Variants in SLC5A8 observed in about 807,000 individuals in gnomAD.
The protein encoded by SLC5A8 is sodium-coupled monocarboxylate transporter 1.
A neutral mutation model predicts 71.9 loss-of-function variants in SLC5A8; 55 were observed. The ratio of observed to expected loss-of-function variants is 0.77; its 90% CI spans 0.62 to 0.96. SLC5A8 has a LOEUF of 0.96. Among genes scored for constraint, SLC5A8 ranks in the 40% least tolerant of loss-of-function variants. SLC5A8 has a pLI of 0.00. For synonymous variants in SLC5A8, 307 were observed against 276.1 expected, an observed-to-expected ratio of 1.11 and a Z score of -1.11; for missense variants, 701 against 745.3, an observed-to-expected ratio of 0.94 and a Z score of 0.69.
intron 10 of SLC5A8, among the ~76,000 whole-genome samples, chr12:101,173,350 A>T (rs1471979623): frequency 6.6e-6 from 1 of 152,160 alleles, no homozygotes; most frequent in African/African-American, 2.4e-5. Context: ...TTCATGGACC[A>T]TATGGTGTCT....
intron 10 of SLC5A8, among the ~76,000 whole-genome samples, chr12:101,169,146 A>C (rs759359401): frequency 6.6e-6 from 1 of 152,164 alleles, no homozygotes; most frequent in African/African-American, 2.4e-5. Flanking sequence ...AGGGAGATAG[A>C]CTTCACTGCA....
chr12:101,180,777 C>T (rs1011469798), intron 9 of SLC5A8, among the ~76,000 whole-genome samples: 13 of 151,376 alleles, frequency 8.6e-5, no homozygotes, highest in African/African-American at 3.2e-4. Context: ...TGGCCTCAAA[C>T]TCCTGGGCTC....
intron 4 of SLC5A8, among the ~76,000 whole-genome samples, chr12:101,194,662 A>G (rs1869082785): frequency 6.6e-6 from 1 of 152,034 alleles, no homozygotes; most frequent in African/African-American, 2.4e-5. Flanking sequence ...TTTTTTGTAG[A>G]GACAGAGTCT....
chr12:101,198,088 A>G (rs1366615581), intron 3 of SLC5A8, among the ~76,000 whole-genome samples: 1 of 152,070 alleles, frequency 6.6e-6, no homozygotes, highest in Non-Finnish European at 1.5e-5. Flanking sequence ...CATGGGCAAA[A>G]GAAATCACAG....
At chr12:101,181,822 C>T (rs961421425) in intron 9 of SLC5A8, among the ~76,000 whole-genome samples, 2 of 152,054 alleles carry the variant, frequency 1.3e-5, no homozygotes, top group Admixed American at 1.3e-4. Flanking sequence ...TAAAATGATG[C>T]ATTGCTATTT....
In SLC5A8 at chr12:101,157,298, C is replaced by T. The variant is rs1463674693; in HGVS notation, c.1814G>A (p.Ser605Asn). 1 of 1,613,364 alleles carries T rather than the reference C, an allele frequency of 6.2e-7. No homozygotes were observed. The highest frequency in any genetic ancestry group is 1.1e-5 in the South Asian group (1 of 90,990). The stretch of plus-strand genomic sequence containing the variant: ...GCAGCTTCACAAACGAGTCCCATTG[C>T]TCTTGCCACTCTGATCTGAGTTCAA... ...IELNSDQSGK[S>N]NGTRL The change falls in exon 15 of 15, where the codon AGC becomes AAC. Residue 605 changes from serine to asparagine, a missense_variant. Coordinates refer to ENST00000536262, the MANE Select transcript of SLC5A8 (RefSeq NM_145913.5).
At chr12:101,193,870 T>A in intron 4 of SLC5A8, 91 bp from the exon 5 acceptor site, 1 of 1,309,060 alleles carries the variant, frequency 7.6e-7, no homozygotes, top group Middle Eastern at 1.9e-4. Flanking sequence ...AAAAATGATA[T>A]AAACATGAAT....
At position 101,158,138 on chromosome 12, in the gene SLC5A8, T is replaced by C. The variant is rs1481161217; in HGVS notation, c.1710+111A>G. On this transcript the variant is annotated intron_variant, in intron 14 of 14. Transcript: ENST00000536262. ...ATAGATCATCAGATTATATAGGGTC[T>C]ATACCTTCCTTGTCCATCACTTTTC... is the stretch of plus-strand genomic sequence containing the variant. 5 of 781,136 alleles carry C rather than the reference T, an allele frequency of 6.4e-6. No homozygotes were observed. The African/African-American group carries it at 8.8e-5, about 14-fold the overall frequency. 48.4% of individuals were successfully genotyped at this position (781,136 alleles called of 1,614,324 possible). A position where few individuals can be genotyped will look rare whatever the true frequency, so the allele number is the denominator to read the frequency against.
chr12:101,193,060 C>G (rs182736284), intron 5 of SLC5A8, among the ~76,000 whole-genome samples: 100 of 151,694 alleles, frequency 6.6e-4, no homozygotes, highest in African/African-American at 2.4e-3. Flanking sequence ...CAACCTCTGC[C>G]TCCTGGGTTC....
Position 101,162,017 on chromosome 12 carries a change from A to T in SLC5A8, c.1587T>A (p.Thr529=). ...LSYLYFSTVG[T]LVTLLVGILV... ...GTATCCCCACTAATAATGTTACCAA[A>T]GTTCCAACAGTGCTGAAGTACAGAT... Residue 529 remains threonine, a synonymous_variant, in exon 13 of 15, where the codon ACT becomes ACA. Coordinates refer to ENST00000536262, the MANE Select transcript of SLC5A8 (RefSeq NM_145913.5). 6.2e-7 allele frequency: 1 copy of T among 1,613,822 alleles called. No homozygotes were observed. The highest frequency in any genetic ancestry group is 8.5e-7 in the Non-Finnish European group (1 of 1,179,828).
intron 10 of SLC5A8, among the ~76,000 whole-genome samples, chr12:101,177,306 T>C (rs2051888056): frequency 6.6e-6 from 1 of 152,054 alleles, no homozygotes; most frequent in South Asian, 2.1e-4. Context: ...ATGCTTTCCC[T>C]AGAGAATTCT....
At chr12:101,205,188 T>C (rs1232606890) in intron 1 of SLC5A8, among the ~76,000 whole-genome samples, 1 of 152,204 alleles carries the variant, frequency 6.6e-6, no homozygotes, top group East Asian at 1.9e-4. Context: ...AGACAAAAAA[T>C]GACTGATCCT....
chr12:101,195,246 A>G lies in SLC5A8; in HGVS notation c.470-84T>C, dbSNP rs1344386610. The stretch of plus-strand genomic sequence containing the variant: ...TCAAAAATCATCAGAGAAGGAAGCT[A>G]TATCATTTATCAGGCACCTTCCTCT... On this transcript the variant is annotated intron_variant, in intron 3 of 14. Transcript: ENST00000536262. The G allele has an allele frequency of 7.8e-5, 113 of 1,452,278 alleles. 1 individual carries two copies. In the South Asian group the frequency reaches 1.2e-3, roughly 16 times the overall value. The allele number at this position is 1,452,278 out of a possible 1,614,324, so 90.0% of individuals were successfully genotyped here. A position where few individuals can be genotyped will look rare whatever the true frequency, so the allele number is the denominator to read the frequency against.
At chr12:101,168,025 G>A (rs894647708) in intron 11 of SLC5A8, 71 bp downstream of exon 11, 5 of 1,398,856 alleles carry the variant, frequency 3.6e-6, no homozygotes, top group Admixed American at 4.4e-5. Context: ...GGAACCAACT[G>A]AGAAAAAAGT....
intron 8 of SLC5A8, 65 bp downstream of exon 8, chr12:101,184,069 G>A (rs559660725): frequency 6.6e-7 from 1 of 1,506,128 alleles, no homozygotes; most frequent in Admixed American, 1.7e-5. Context: ...TCCCGCTAAA[G>A]TATCTAATAA....
intron 14 of SLC5A8, 76 bp downstream of exon 14, chr12:101,158,173 G>A: frequency 9.9e-7 from 1 of 1,014,506 alleles, no homozygotes; most frequent in South Asian, 1.4e-5. Flanking sequence ...CAAGAAAGAG[G>A]TTGAGAACTA....
chr12:101,190,539 G>C lies in SLC5A8; in HGVS notation c.762C>G (p.Thr254=), dbSNP rs750389675. The change falls in exon 6 of 15, where the codon ACC becomes ACG. Residue 254 remains threonine, a synonymous_variant. Transcript: ENST00000536262. ...TIIIGGTFTW[T]SIYGVNQSQV... ...GGGATTGGTTGACACCGTAGATGCT[G>C]GTCCATGTGAAGGTCCCTCCTATAA... is the stretch of plus-strand genomic sequence containing the variant. 1 of 1,613,098 alleles carries C rather than the reference G, an allele frequency of 6.2e-7. No homozygotes were observed. Among genetic ancestry groups the C allele is most frequent in the South Asian group, 1.1e-5 (1 of 90,880 alleles).
At chr12:101,194,831 G>A (rs1421955666) in intron 4 of SLC5A8, among the ~76,000 whole-genome samples, 2 of 152,020 alleles carry the variant, frequency 1.3e-5, no homozygotes, top group African/African-American at 4.8e-5. Context: ...TAATAACTTG[G>A]CAACAGTACA....
Position 101,157,176 on chromosome 12 carries a change from A to G in SLC5A8, c.*103T>C, listed in dbSNP as rs1278074189. 22 of 1,380,590 alleles carry G rather than the reference A, an allele frequency of 1.6e-5. No individual in the cohort carries two copies. The highest frequency in any genetic ancestry group is 1.5e-5 in the African/African-American group (1 of 66,640). The allele number at this position is 1,380,590 out of a possible 1,614,324, so 85.5% of individuals were successfully genotyped here. On this transcript the variant is annotated 3_prime_UTR_variant, in exon 15 of 15. Coordinates refer to ENST00000536262, the MANE Select transcript of SLC5A8 (RefSeq NM_145913.5). ...ACAAAAACTTATCCCCCAAACACTC[A>G]TGATACAACACACACACACACACAA...
Sources: gnomAD v4.1 joint callset for allele counts (sites outside exome capture counted in the v4.1 genomes callset) on GRCh38, gnomAD v4.1.1 for gene constraint, MANE v1.5 for transcripts, NCBI Gene and HGNC (gene_info 2026-07-23, HGNC 2026-07-21) for gene names.